TYW1: variants seen among roughly 807,000 people sequenced by gnomAD.
TYW1 encodes the protein tRNA-yW synthesizing protein 1 homolog, also known as S-adenosyl-L-methionine-dependent tRNA 4-demethylwyosine synthase TYW1.
Under a neutral mutation model 96.2 loss-of-function variants are expected in TYW1, and 46 were observed. The observed-to-expected ratio is 0.48, with a 90% CI of 0.38 to 0.61. TYW1 has a LOEUF of 0.61. Among genes scored for constraint, TYW1 ranks in the 20% least tolerant of loss-of-function variants. TYW1 has a pLI of 0.00. For missense variants in TYW1, 684 were observed against 909.6 expected (o/e 0.75, Z 3.19); for synonymous variants, 274 against 323.0 (o/e 0.85, Z 1.63).
chr7:67,159,314 T>A (rs1799083173), intron 13 of TYW1, among the ~76,000 whole-genome samples: 1 of 152,190 alleles, frequency 6.6e-6, no homozygotes, highest in Non-Finnish European at 1.5e-5. Context: ...GAAGGCAAAT[T>A]CCAGGGATAG....
chr7:67,138,277 GTAATAA>G (rs1425078126), intron 13 of TYW1, among the ~76,000 whole-genome samples: 1 of 152,270 alleles, frequency 6.6e-6, no homozygotes, highest in South Asian at 2.1e-4. Flanking sequence ...TTTAAAAAAA[GTAATAA>G]TAATAACTCT....
Position 67,147,983 on chromosome 7 carries a change from G to A in TYW1, c.1698+30365G>A, listed in dbSNP as rs930299168. Among the ~76,000 whole-genome samples the A allele has an allele frequency of 8.6e-5, 13 of 151,852 alleles. 1 individual carries two copies. In the South Asian group the frequency reaches 1.7e-3, roughly 20 times the overall value. On this transcript the variant is annotated intron_variant, in intron 13 of 15. Coordinates refer to ENST00000359626, the MANE Select transcript of TYW1 (RefSeq NM_018264.4). ...AAACCCAAATATTTGACAAATCAGA[G>A]ATTATTGATGCCTGTTACCAAAGTA...
chr7:67,155,765 G>C lies in TYW1; in HGVS notation c.1699-27361G>C, dbSNP rs545516149. Among the ~76,000 whole-genome samples, 61 of 152,226 alleles carry C rather than the reference G, an allele frequency of 4.0e-4. 1 individual carries two copies. In the South Asian group the frequency reaches 0.011, roughly 27 times the overall value. On this transcript the variant is annotated intron_variant, in intron 13 of 15. Coordinates refer to ENST00000359626, the MANE Select transcript of TYW1 (RefSeq NM_018264.4). ...TGGTGCAAATGGACTAACACAAGAG[G>C]TATCATGTTTTCTTGCTTCCTCATC... is the stretch of plus-strand genomic sequence containing the variant.
At chr7:67,166,907 T>C (rs963292539) in intron 13 of TYW1, among the ~76,000 whole-genome samples, 4 of 152,184 alleles carry the variant, frequency 2.6e-5, no homozygotes, top group African/African-American at 4.8e-5. Flanking sequence ...CCTGATTGGG[T>C]GTTCTGCATT....
At chr7:67,225,422 C>T (rs1464887367) in intron 15 of TYW1, among the ~76,000 whole-genome samples, 3 of 152,046 alleles carry the variant, frequency 2.0e-5, no homozygotes, top group African/African-American at 4.8e-5. Context: ...GAGAGTCTGG[C>T]CATAATTAAG....
At chr7:67,113,269 TA>T (rs1228062709) in intron 12 of TYW1, among the ~76,000 whole-genome samples, 1 of 151,792 alleles carries the variant, frequency 6.6e-6, no homozygotes, top group African/African-American at 2.4e-5. Flanking sequence ...CTCCAGAATG[TA>T]AATATTAAGG....
chr7:67,143,550 G>A (rs1414196674), intron 13 of TYW1, among the ~76,000 whole-genome samples: 1 of 152,176 alleles, frequency 6.6e-6, no homozygotes, highest in South Asian at 2.1e-4. Flanking sequence ...TCCTGTTTGC[G>A]GAAGCAGGCA....
At chr7:67,180,582 T>TAA (rs1799810190) in intron 13 of TYW1, among the ~76,000 whole-genome samples, 1 of 151,326 alleles carries the variant, frequency 6.6e-6, no homozygotes, top group African/African-American at 2.4e-5. Flanking sequence ...AGAAAAGTGT[T>TAA]TTTTAAGAAA....
chr7:67,071,952 A>G (rs536883812), intron 10 of TYW1, among the ~76,000 whole-genome samples: 1 of 150,728 alleles, frequency 6.6e-6, no homozygotes, highest in Non-Finnish European at 1.5e-5. Flanking sequence ...TAGCCAGGCC[A>G]TTTACAACTC....
At chr7:67,089,521 A>G in intron 11 of TYW1, 1 of 772,896 alleles carries the variant, frequency 1.3e-6, no homozygotes, top group South Asian at 1.5e-5. Flanking sequence ...TTTGCTTTCT[A>G]GGGTGAGTTC....
At chr7:67,227,494 T>C (rs2116435925) in intron 15 of TYW1, among the ~76,000 whole-genome samples, 1 of 152,208 alleles carries the variant, frequency 6.6e-6, no homozygotes, top group South Asian at 2.1e-4. Context: ...TGACCTCAGG[T>C]GATCCTCCCA....
intron 13 of TYW1, among the ~76,000 whole-genome samples, chr7:67,178,904 AT>A (rs1799755384): frequency 1.5e-5 from 2 of 135,630 alleles, no homozygotes; most frequent in Admixed American, 7.3e-5. Context: ...GTTTTAGAAG[AT>A]TTAGCAAAGT....
chr7:67,237,547 T>TTATGGG (rs913689079), intron 15 of TYW1, among the ~76,000 whole-genome samples: 2 of 151,620 alleles, frequency 1.3e-5, no homozygotes, highest in Non-Finnish European at 2.9e-5. Flanking sequence ...ACTTGTCTGT[T>TTATGGG]TATGAGTCAG....
At chr7:67,202,709 CT>C (rs1800641282) in intron 15 of TYW1, among the ~76,000 whole-genome samples, 2 of 152,248 alleles carry the variant, frequency 1.3e-5, no homozygotes, top group African/African-American at 4.8e-5. Context: ...TCAATTTCTA[CT>C]AATAATCCCG....
chr7:67,239,254 C>A lies in TYW1; in HGVS notation c.*725C>A. ...TGAGGGCATGGAGTCATTAGTCTCA[C>A]AAACACACTTTGGACTGAAGAGGAT... On this transcript the variant is annotated 3_prime_UTR_variant, in exon 16 of 16. Coordinates refer to ENST00000359626, the MANE Select transcript of TYW1 (RefSeq NM_018264.4). The A allele has an allele frequency of 2.0e-6, 2 of 985,422 alleles. No homozygotes were observed. The highest frequency in any genetic ancestry group is 2.4e-6 in the Non-Finnish European group (2 of 829,942). 61.0% of individuals were successfully genotyped at this position (985,422 alleles called of 1,614,324 possible). A position where few individuals can be genotyped will look rare whatever the true frequency, so the allele number is the denominator to read the frequency against.
chr7:67,184,070 C>T (rs556589695), intron 14 of TYW1, among the ~76,000 whole-genome samples: 14 of 152,248 alleles, frequency 9.2e-5, no homozygotes, highest in African/African-American at 2.9e-4. Flanking sequence ...CTTCCTACCT[C>T]GGCCTCTCAA....
intron 13 of TYW1, among the ~76,000 whole-genome samples, chr7:67,139,731 GT>G (rs1798382634): frequency 1.3e-4 from 7 of 53,536 alleles, no homozygotes; most frequent in African/African-American, 3.5e-4. Flanking sequence ...GTATACAGGT[GT>G]GTGTGTGTGT....
At chr7:67,074,397 C>A (rs1796139685) in intron 10 of TYW1, among the ~76,000 whole-genome samples, 1 of 152,162 alleles carries the variant, frequency 6.6e-6, no homozygotes, top group African/African-American at 2.4e-5. Context: ...ATGGGTAGTG[C>A]TCCTTAATCT....
chr7:67,115,161 C>T (rs1797556035), intron 12 of TYW1, among the ~76,000 whole-genome samples: 1 of 151,276 alleles, frequency 6.6e-6, no homozygotes, highest in Admixed American at 6.6e-5. Context: ...GGGCAGTTCT[C>T]ATTTTGCATC....
Sources: gnomAD v4.1 joint callset for allele counts (sites outside exome capture counted in the v4.1 genomes callset) on GRCh38, gnomAD v4.1.1 for gene constraint, MANE v1.5 for transcripts, NCBI Gene and HGNC (gene_info 2026-07-23, HGNC 2026-07-21) for gene names.